USH2A: variants seen among roughly 807,000 people sequenced by gnomAD.
USH2A encodes usherin.
USH2A carries 443 observed loss-of-function variants against 538.9 expected under a neutral mutation model. The ratio of observed to expected loss-of-function variants is 0.82; its 90% CI spans 0.76 to 0.89. USH2A has a LOEUF of 0.89. Ranked by LOEUF, USH2A falls within the 40% of genes least tolerant of loss-of-function variation. The pLI is 0.00. For synonymous variants in USH2A, 2,413 were observed against 2,273.5 expected, an observed-to-expected ratio of 1.06 and a Z score of -1.75; for missense variants, 6,633 against 6,324.8, an observed-to-expected ratio of 1.05 and a Z score of -1.65.
chr1:216,028,361 T>C (rs1669017903), intron 32 of USH2A, among the ~76,000 whole-genome samples: 1 of 151,694 alleles, frequency 6.6e-6, no homozygotes, highest in Non-Finnish European at 1.5e-5. Context: ...CACACCAGCC[T>C]GGGCGACAGA....
intron 30 of USH2A, among the ~76,000 whole-genome samples, chr1:216,060,323 C>T (rs1413648716): frequency 2.0e-5 from 3 of 152,098 alleles, no homozygotes; most frequent in Non-Finnish European, 4.4e-5. Context: ...AATTGAGAGT[C>T]ACTAATTATT....
At chr1:216,347,817 T>TA (rs1460093002) in intron 4 of USH2A, among the ~76,000 whole-genome samples, 1 of 152,140 alleles carries the variant, frequency 6.6e-6, no homozygotes, top group Non-Finnish European at 1.5e-5. Flanking sequence ...AAAGTAAGTT[T>TA]AGAGTCAGCT....
At position 215,949,441 on chromosome 1, in the gene USH2A, C is replaced by T. The variant is rs1231598440; in HGVS notation, c.7121-14646G>A. ...TCTAATGTTCAACTGGAAGAATATG[C>T]ATATGAAAAGAACTAAGACCTTTTA... On this transcript the variant is annotated intron_variant, in intron 37 of 71. Coordinates refer to ENST00000307340, the MANE Select transcript of USH2A (RefSeq NM_206933.4). Among the ~76,000 whole-genome samples the T allele has an allele frequency of 2.6e-5, 4 of 151,878 alleles. No homozygotes were observed. In the East Asian group the frequency reaches 7.7e-4, roughly 29 times the overall value.
At chr1:215,697,366 C>A (rs1019199074) in intron 61 of USH2A, among the ~76,000 whole-genome samples, 1 of 152,100 alleles carries the variant, frequency 6.6e-6, no homozygotes, top group Non-Finnish European at 1.5e-5. Context: ...GAGCTGAGTG[C>A]CACCTGTAGC....
chr1:216,345,107 T>C (rs1027675577), intron 4 of USH2A, among the ~76,000 whole-genome samples: 3 of 151,970 alleles, frequency 2.0e-5, no homozygotes, highest in African/African-American at 7.2e-5. Context: ...GGTCTTTCTC[T>C]GGTATCCTTG....
At chr1:216,227,847 C>T (rs747525836) in intron 14 of USH2A, among the ~76,000 whole-genome samples, 3 of 152,144 alleles carry the variant, frequency 2.0e-5, no homozygotes, top group Non-Finnish European at 4.4e-5. Flanking sequence ...CATGGTAGTG[C>T]TTCAGATCAG....
At chr1:215,998,042 A>G (rs1332508233) in intron 34 of USH2A, among the ~76,000 whole-genome samples, 1 of 152,128 alleles carries the variant, frequency 6.6e-6, no homozygotes, top group East Asian at 1.9e-4. Flanking sequence ...AAGTAAAATG[A>G]ATGCATACAC....
At chr1:216,130,317 C>G (rs1295369113) in intron 21 of USH2A, among the ~76,000 whole-genome samples, 1 of 149,418 alleles carries the variant, frequency 6.7e-6, no homozygotes, top group Non-Finnish European at 1.5e-5. Context: ...CCTTCCCACC[C>G]TTTCCCCCTG....
At chr1:215,629,474 A>G (rs932211420) in intron 70 of USH2A, among the ~76,000 whole-genome samples, 1 of 152,134 alleles carries the variant, frequency 6.6e-6, no homozygotes, top group African/African-American at 2.4e-5. Context: ...AAAGATAACA[A>G]TATTATTTCA....
chr1:216,076,272 A>G (rs2031746149), intron 27 of USH2A, among the ~76,000 whole-genome samples: 1 of 152,176 alleles, frequency 6.6e-6, no homozygotes. Context: ...TTTTGAGACC[A>G]CTGATATGGA....
intron 47 of USH2A, among the ~76,000 whole-genome samples, chr1:215,821,794 A>G (rs1045384637): frequency 6.6e-6 from 1 of 151,816 alleles, no homozygotes; most frequent in East Asian, 1.9e-4. Context: ...GAATGCGGTA[A>G]GAGATAGGGG....
At chr1:215,992,886 A>T in intron 35 of USH2A, 134 bp downstream of exon 35, 1 of 1,432,758 alleles carries the variant, frequency 7.0e-7, no homozygotes, top group East Asian at 2.3e-5. Flanking sequence ...ACTAGAGACA[A>T]TGATACTATC....
In USH2A at chr1:216,046,530, T is replaced by C. The variant is rs1382545287; in HGVS notation, c.6226A>G (p.Asn2076Asp). 6.2e-7 allele frequency: 1 copy of C among 1,613,896 alleles called. No individual in the cohort carries two copies. The highest frequency in any genetic ancestry group is 2.2e-5 in the East Asian group (1 of 44,870). ...SLPSSLLLSW[N>D]PPKKANGIIT... ...ATACCATTTGCCTTTTTGGGTGGGT[T>C]CCAGGAGAGCAGCAAAGAACTGGGA... is the stretch of plus-strand genomic sequence containing the variant. The change falls in exon 32 of 72, where the codon AAC (asparagine) becomes GAC (aspartate). Residue 2076 changes from asparagine (N) to aspartate (D), a missense_variant. By Grantham distance (23) the Asn-to-Asp change is conservative. Coordinates refer to ENST00000307340, the MANE Select transcript of USH2A (RefSeq NM_206933.4).
intron 11 of USH2A, among the ~76,000 whole-genome samples, chr1:216,288,255 AAT>A (rs1192696023): frequency 1.3e-5 from 2 of 152,152 alleles, no homozygotes; most frequent in Non-Finnish European, 2.9e-5. Flanking sequence ...TTTCTGAGAA[AAT>A]AGTCCCTCAA....
At chr1:215,911,152 TCATGGAGAATGGGGTATC>T (rs1665771449) in intron 38 of USH2A, among the ~76,000 whole-genome samples, 1 of 151,982 alleles carries the variant, frequency 6.6e-6, no homozygotes, top group Non-Finnish European at 1.5e-5. Flanking sequence ...AACAAGCACA[TCATGGAGAATGGGGTATC>T]CATCCCCTCA....
At chr1:215,798,393 T>C (rs575437546) in intron 50 of USH2A, among the ~76,000 whole-genome samples, 1 of 152,334 alleles carries the variant, frequency 6.6e-6, no homozygotes, top group Admixed American at 6.5e-5. Flanking sequence ...GAACTTCAGT[T>C]TCTTCATTTT....
At chr1:216,091,921 G>A (rs2032310779) in intron 22 of USH2A, among the ~76,000 whole-genome samples, 1 of 152,098 alleles carries the variant, frequency 6.6e-6, no homozygotes, top group South Asian at 2.1e-4. Context: ...GCTGGGCATG[G>A]TGTCTCATGT....
At chr1:215,790,031 C>T (rs754207340) in intron 51 of USH2A, 28 bp downstream of exon 51, 58 of 1,599,702 alleles carry the variant, frequency 3.6e-5, no homozygotes, top group South Asian at 2.6e-4. Flanking sequence ...GTCAAATCAG[C>T]GCCTCCGAGA....
intron 38 of USH2A, among the ~76,000 whole-genome samples, chr1:215,909,630 T>G (rs933230403): frequency 6.6e-6 from 1 of 151,864 alleles, no homozygotes; most frequent in Non-Finnish European, 1.5e-5. Flanking sequence ...AAAGAAGCAT[T>G]TCTAATATAA....
Sources: gnomAD v4.1 joint callset for allele counts (sites outside exome capture counted in the v4.1 genomes callset) on GRCh38, gnomAD v4.1.1 for gene constraint, MANE v1.5 for transcripts, NCBI Gene and HGNC (gene_info 2026-07-23, HGNC 2026-07-21) for gene names.